CYP51A1: variants seen among roughly 807,000 people sequenced by gnomAD.
CYP51A1 encodes the protein cytochrome P450 family 51 subfamily A member 1.
CYP51A1 carries 45 observed loss-of-function variants against 53.5 expected under a neutral mutation model. That is an observed-to-expected ratio of 0.84 (90% CI 0.66 to 1.08). The LOEUF (loss-of-function observed/expected upper bound fraction) is 1.08, where lower values mean the gene tolerates loss of function less well. Ranked by LOEUF, CYP51A1 falls within the 50% of genes least tolerant of loss-of-function variation. CYP51A1 has a pLI of 0.00. For missense variants in CYP51A1, 462 were observed against 621.7 expected, an observed-to-expected ratio of 0.74 and a Z score of 2.73; for synonymous variants, 181 against 217.7, an observed-to-expected ratio of 0.83 and a Z score of 1.48.
intron 7 of CYP51A1, among the ~76,000 whole-genome samples, chr7:92,121,281 C>CA (rs111668177): frequency 3.4e-3 from 394 of 115,670 alleles, no homozygotes; most frequent in Admixed American, 8.4e-3. Context: ...GACTCTGTCT[C>CA]AAAAAAAAAA....
chr7:92,119,155 T>A (rs950533077), intron 7 of CYP51A1, among the ~76,000 whole-genome samples: 1 of 152,176 alleles, frequency 6.6e-6, no homozygotes, highest in Non-Finnish European at 1.5e-5. Flanking sequence ...AAAAATTGTT[T>A]AACACTGAAG....
In CYP51A1 at chr7:92,113,575, C is replaced by T; in HGVS notation, c.*90G>A. ...ATTACACACTTAAAAAAACAGTAAA[C>T]TACAAGAGTTGTTTTGTACACTTCA... is the stretch of plus-strand genomic sequence containing the variant. On this transcript the variant is annotated 3_prime_UTR_variant, in exon 10 of 10. Coordinates refer to ENST00000003100, the MANE Select transcript of CYP51A1 (RefSeq NM_000786.4). 3 of 1,246,682 alleles carry T rather than the reference C, an allele frequency of 2.4e-6. No homozygotes were observed. The highest frequency in any genetic ancestry group is 2.4e-5 in the East Asian group (1 of 41,452). The allele number at this position is 1,246,682 out of a possible 1,614,324, so 77.2% of individuals were successfully genotyped here.
At chr7:92,133,588 C>T (rs1819969351) in intron 1 of CYP51A1, among the ~76,000 whole-genome samples, 1 of 152,144 alleles carries the variant, frequency 6.6e-6, no homozygotes, top group African/African-American at 2.4e-5. Flanking sequence ...ACATTATTAG[C>T]ATCAGAGGAA....
At chr7:92,130,070 A>G (rs1297650191) in intron 2 of CYP51A1, among the ~76,000 whole-genome samples, 1 of 152,218 alleles carries the variant, frequency 6.6e-6, no homozygotes, top group Non-Finnish European at 1.5e-5. Flanking sequence ...ACACTGAGAA[A>G]ACAAATAAAA....
intron 5 of CYP51A1, 116 bp from the exon 6 acceptor site, chr7:92,123,969 C>T (rs1373670924): frequency 2.6e-6 from 2 of 757,472 alleles, no homozygotes; most frequent in Admixed American, 3.5e-5. Context: ...ACTTTAATGA[C>T]TCTAAAATAA....
chr7:92,117,682 T>C (rs1239625939), intron 8 of CYP51A1, among the ~76,000 whole-genome samples: 1 of 152,134 alleles, frequency 6.6e-6, no homozygotes, highest in Non-Finnish European at 1.5e-5. Context: ...ATGCAGAACA[T>C]GATTAGCATT....
intron 5 of CYP51A1, among the ~76,000 whole-genome samples, chr7:92,124,585 T>A (rs1819757632): frequency 1.3e-5 from 2 of 152,194 alleles, no homozygotes; most frequent in Non-Finnish European, 2.9e-5. Flanking sequence ...AAACTCCTAC[T>A]CTGTTTCATT....
At chr7:92,129,398 T>G (rs1414388799) in intron 2 of CYP51A1, among the ~76,000 whole-genome samples, 1 of 152,200 alleles carries the variant, frequency 6.6e-6, no homozygotes, top group Non-Finnish European at 1.5e-5. Context: ...CTTTAGTTAT[T>G]ACAGCTAATT....
At chr7:92,117,775 G>T (rs1282157487) in intron 8 of CYP51A1, among the ~76,000 whole-genome samples, 1 of 152,110 alleles carries the variant, frequency 6.6e-6, no homozygotes, top group East Asian at 1.9e-4. Flanking sequence ...ATCACCTGAG[G>T]TCGGGAGTTC....
chr7:92,125,051 G>A (rs964261122), intron 5 of CYP51A1, among the ~76,000 whole-genome samples: 4 of 151,636 alleles, frequency 2.6e-5, no homozygotes, highest in African/African-American at 7.3e-5. Flanking sequence ...GGCTGAGGCA[G>A]GAGAATGGCG....
chr7:92,113,657 A>T lies in CYP51A1; in HGVS notation c.*8T>A. ...ATAATCACATATATTCGTTCCTTGC[A>T]ACCTTTTTCATTTTGATCTTCGTTT... On this transcript the variant is annotated 3_prime_UTR_variant, in exon 10 of 10. Coordinates refer to ENST00000003100, the MANE Select transcript of CYP51A1 (RefSeq NM_000786.4). 6.2e-7 allele frequency: 1 copy of T among 1,610,956 alleles called. No homozygotes were observed. The highest frequency in any genetic ancestry group is 8.5e-7 in the Non-Finnish European group (1 of 1,179,290).
chr7:92,123,613 A>G (rs1195130072), intron 6 of CYP51A1, 121 bp downstream of exon 6: 1 of 962,180 alleles, frequency 1.0e-6, no homozygotes, highest in African/African-American at 1.7e-5. Flanking sequence ...AAGAGTCCAA[A>G]GATCACAGCT....
intron 7 of CYP51A1, 104 bp from the exon 8 acceptor site, chr7:92,118,719 TA>T (rs1305525232): frequency 1.4e-5 from 10 of 692,028 alleles, no homozygotes; most frequent in Non-Finnish European, 2.6e-5. Flanking sequence ...GCATTCCAGC[TA>T]AAAGTACAGA....
Position 92,123,649 on chromosome 7 carries a change from G to A in CYP51A1, c.890+85C>T, listed in dbSNP as rs552693331. 3.1e-5 allele frequency: 42 copies of A among 1,345,720 alleles called. No homozygotes were observed. In the South Asian group the frequency reaches 5.5e-4, roughly 18 times the overall value. 83.4% of individuals were successfully genotyped at this position (1,345,720 alleles called of 1,614,324 possible). On this transcript the variant is annotated intron_variant, in intron 6 of 9. Coordinates refer to ENST00000003100, the MANE Select transcript of CYP51A1 (RefSeq NM_000786.4). ...ACCAACTTATTTTGCCAGCATCACT[G>A]TTTTTTAACTGGAAATACTATTTAA...
chr7:92,115,307 C>A (rs1819561049), intron 9 of CYP51A1, among the ~76,000 whole-genome samples: 2 of 152,164 alleles, frequency 1.3e-5, no homozygotes, highest in South Asian at 4.1e-4. Context: ...GAAATAGGAT[C>A]TTTATATACA....
chr7:92,134,010 GC>G (rs1160698932), intron 1 of CYP51A1, among the ~76,000 whole-genome samples, 162 bp downstream of exon 1: 1 of 152,026 alleles, frequency 6.6e-6, no homozygotes, highest in Non-Finnish European at 1.5e-5. Context: ...CACTACTCCA[GC>G]CCCCAGCGCG....
intron 1 of CYP51A1, among the ~76,000 whole-genome samples, chr7:92,133,881 G>GC (rs1458568550): frequency 6.6e-6 from 1 of 152,164 alleles, no homozygotes; most frequent in Non-Finnish European, 1.5e-5. Context: ...CACAAATGCC[G>GC]CAACCACGAC....
At chr7:92,114,826 CAATG>C (rs1003300629) in intron 9 of CYP51A1, among the ~76,000 whole-genome samples, 34 of 152,262 alleles carry the variant, frequency 2.2e-4, no homozygotes, top group African/African-American at 7.9e-4. Context: ...TGTCAAAACT[CAATG>C]AATGTTGACT....
In CYP51A1 at chr7:92,123,730, T is replaced by C. The variant is rs1819738453; in HGVS notation, c.890+4A>G. On this transcript the variant is annotated splice_donor_region_variant and intron_variant, in intron 6 of 9. Coordinates refer to ENST00000003100, the MANE Select transcript of CYP51A1 (RefSeq NM_000786.4). ...GCTTAATATGTTATCTGAATAGCTC[T>C]TACTTGTATGTAGCATCTAGTAAAG... The C allele has an allele frequency of 1.2e-6, 2 of 1,601,780 alleles. No homozygotes were observed. Among genetic ancestry groups the C allele is most frequent in the Non-Finnish European group, 1.7e-6 (2 of 1,176,074 alleles).
Sources: allele counts gnomAD v4.1 joint callset (sites outside exome capture counted in the v4.1 genomes callset), GRCh38; gene constraint gnomAD v4.1.1; transcripts MANE v1.5; gene names NCBI Gene and HGNC (gene_info 2026-07-23, HGNC 2026-07-21).